FBXL17: variants seen among roughly 807,000 people sequenced by gnomAD.
FBXL17 encodes F-box/LRR-repeat protein 17.
Under a neutral mutation model 66.2 loss-of-function variants are expected in FBXL17, and 22 were observed. The ratio of observed to expected loss-of-function variants is 0.33; its 90% confidence interval spans 0.24 to 0.47. The LOEUF is 0.47. Among genes scored for constraint, FBXL17 ranks in the 20% least tolerant of loss-of-function variants. The pLI, the probability that FBXL17 is intolerant of heterozygous loss-of-function variation, is 1.00. For synonymous variants in FBXL17, 474 were observed against 400.5 expected (o/e 1.18, Z -2.19); for missense variants, 878 against 948.2 (o/e 0.93, Z 0.97).
chr5:108,262,066 A>ATTTTT (rs1164308201), intron 4 of FBXL17, among the ~76,000 whole-genome samples: 10 of 134,056 alleles, frequency 7.5e-5, no homozygotes, highest in African/African-American at 2.7e-4. Flanking sequence ...TTATTTATTT[A>ATTTTT]TTTATTTATT....
intron 4 of FBXL17, among the ~76,000 whole-genome samples, chr5:108,279,784 A>G (rs1757629891): frequency 6.6e-6 from 1 of 152,028 alleles, no homozygotes; most frequent in Non-Finnish European, 1.5e-5. Flanking sequence ...TGGGGGAAAA[A>G]AGCAAATTCT....
At chr5:107,878,140 G>T in intron 8 of FBXL17, 1 of 643,914 alleles carries the variant, frequency 1.6e-6, no homozygotes, top group Non-Finnish European at 1.9e-6. Flanking sequence ...TGTGTAGAAA[G>T]TGTAATTACT....
chr5:108,156,046 G>C (rs1751985159), intron 6 of FBXL17, among the ~76,000 whole-genome samples: 1 of 152,054 alleles, frequency 6.6e-6, no homozygotes, highest in African/African-American at 2.4e-5. Flanking sequence ...CCTAGAAACA[G>C]TTCAGATTAG....
chr5:108,014,356 A>T (rs1481553649), intron 7 of FBXL17, among the ~76,000 whole-genome samples: 1 of 152,206 alleles, frequency 6.6e-6, no homozygotes, highest in African/African-American at 2.4e-5. Context: ...AGGGTAAGAA[A>T]GTTAAGGGGT....
chr5:108,305,850 C>T (rs543845698), intron 4 of FBXL17, among the ~76,000 whole-genome samples: 1 of 152,230 alleles, frequency 6.6e-6, no homozygotes, highest in South Asian at 2.1e-4. Flanking sequence ...TATCACTCCA[C>T]CCCTGAAAAT....
chr5:108,218,705 A>G (rs1754717604), intron 5 of FBXL17, among the ~76,000 whole-genome samples: 1 of 151,548 alleles, frequency 6.6e-6, no homozygotes, highest in South Asian at 2.1e-4. Context: ...TTTTTCATAT[A>G]CTTGCTGGCC....
At chr5:108,025,680 T>TACACACACAC (rs151215184) in intron 6 of FBXL17, among the ~76,000 whole-genome samples, 1 of 130,080 alleles carries the variant, frequency 7.7e-6, no homozygotes, top group African/African-American at 3.0e-5. Context: ...CTACAACACA[T>TACACACACAC]ACACACACAC....
chr5:107,935,866 G>C (rs1750893179), intron 7 of FBXL17, among the ~76,000 whole-genome samples: 1 of 152,096 alleles, frequency 6.6e-6, no homozygotes, highest in African/African-American at 2.4e-5. Context: ...ACCTGAAAGG[G>C]TGGGGGAAGA....
Position 108,358,543 on chromosome 5 carries a change from T to C in FBXL17, c.1374+6195A>G, listed in dbSNP as rs181763569. 4.9e-3 allele frequency among the ~76,000 whole-genome samples: 743 copies of C among 152,274 alleles called. 4 individuals are homozygous for C. Among genetic ancestry groups the C allele is most frequent in the African/African-American group, 0.017 (705 of 41,570 alleles). On this transcript the variant is annotated intron_variant, in intron 3 of 8. Coordinates refer to ENST00000542267, the MANE Select transcript of FBXL17 (RefSeq NM_001163315.3). ...TACTCCTTGGATAAATCATAGTAGG[T>C]TACGGTGTAGAATCCTTTTAATCTG...
intron 6 of FBXL17, among the ~76,000 whole-genome samples, chr5:108,036,798 C>G (rs1003219909): frequency 6.6e-6 from 1 of 152,086 alleles, no homozygotes; most frequent in African/African-American, 2.4e-5. Context: ...AATTGATGCA[C>G]AGTAATAAGG....
intron 3 of FBXL17, among the ~76,000 whole-genome samples, chr5:108,359,759 T>G (rs1748222409): frequency 6.6e-6 from 1 of 152,104 alleles, no homozygotes. Flanking sequence ...TTGAGAAGAA[T>G]GTGTATTCTT....
intron 6 of FBXL17, among the ~76,000 whole-genome samples, chr5:108,182,262 T>C (rs906646324): frequency 3.9e-5 from 6 of 152,192 alleles, no homozygotes; most frequent in Non-Finnish European, 7.4e-5. Context: ...AATTAATTGA[T>C]AGGCTAAACG....
At chr5:108,344,568 C>G (rs1747126906) in intron 4 of FBXL17, among the ~76,000 whole-genome samples, 1 of 152,108 alleles carries the variant, frequency 6.6e-6, no homozygotes, top group South Asian at 2.1e-4. Flanking sequence ...GGGCATAGCA[C>G]AGAAGCTATT....
chr5:108,094,864 A>T (rs1258164235), intron 6 of FBXL17, among the ~76,000 whole-genome samples: 1 of 147,352 alleles, frequency 6.8e-6, no homozygotes, highest in African/African-American at 2.5e-5. Flanking sequence ...AATTGACAGG[A>T]ACAAGGATGC....
intron 4 of FBXL17, among the ~76,000 whole-genome samples, chr5:108,346,731 T>G (rs1470321266): frequency 6.6e-6 from 1 of 152,158 alleles, no homozygotes; most frequent in East Asian, 1.9e-4. Context: ...TACAGTGTCA[T>G]TTAATCGTCA....
intron 7 of FBXL17, among the ~76,000 whole-genome samples, chr5:107,996,990 G>A (rs774869299): frequency 4.6e-5 from 7 of 152,198 alleles, no homozygotes; most frequent in Non-Finnish European, 1.0e-4. Flanking sequence ...GGAAGATGAG[G>A]AATATGCACA....
At chr5:107,999,709 G>A (rs1166236708) in intron 7 of FBXL17, among the ~76,000 whole-genome samples, 3 of 152,058 alleles carry the variant, frequency 2.0e-5, no homozygotes, top group Non-Finnish European at 4.4e-5. Context: ...ATAAGCAAAA[G>A]GAGGCAGGTC....
chr5:108,069,157 T>A (rs1002108060), intron 6 of FBXL17, among the ~76,000 whole-genome samples: 1 of 152,158 alleles, frequency 6.6e-6, no homozygotes, highest in Non-Finnish European at 1.5e-5. Flanking sequence ...GGGGCAGAGC[T>A]AGGAGAAATA....
chr5:108,159,944 C>T (rs1028795523), intron 6 of FBXL17, among the ~76,000 whole-genome samples: 2 of 152,036 alleles, frequency 1.3e-5, no homozygotes, highest in Non-Finnish European at 2.9e-5. Context: ...AAAATTTATA[C>T]ACTTTCTCTA....
Sources: gnomAD v4.1 joint callset for allele counts (sites outside exome capture counted in the v4.1 genomes callset) on GRCh38, gnomAD v4.1.1 for gene constraint, MANE v1.5 for transcripts, NCBI Gene and HGNC (gene_info 2026-07-23, HGNC 2026-07-21) for gene names.